Variants in HSF2BP observed in about 807,000 individuals in gnomAD.
HSF2BP encodes the protein heat shock factor 2-binding protein.
A neutral mutation model predicts 35.0 loss-of-function variants in HSF2BP; 35 were observed. The ratio of observed to expected loss-of-function variants is 1.00; its 90% confidence interval spans 0.76 to 1.32. The LOEUF is 1.32. Ranked by LOEUF, HSF2BP falls within the 40% of genes most tolerant of loss-of-function variation. The probability of loss-of-function intolerance (pLI) is 0.00; values close to 1 mark genes in which losing one functional copy is unlikely to be tolerated. For missense variants in HSF2BP, 326 were observed against 321.7 expected (o/e 1.01, Z -0.10); for synonymous variants, 114 against 117.4 (o/e 0.97, Z 0.18).
chr21:43,649,651 A>G (rs1331842380), intron 3 of HSF2BP, among the ~76,000 whole-genome samples: 1 of 152,226 alleles, frequency 6.6e-6, no homozygotes, highest in African/African-American at 2.4e-5. Context: ...CAACATACAA[A>G]AATAATTCCA....
chr21:43,648,342 A>G (rs1486822700), intron 3 of HSF2BP, among the ~76,000 whole-genome samples: 2 of 152,102 alleles, frequency 1.3e-5, no homozygotes, highest in Admixed American at 1.3e-4. Context: ...TCCCCACTCC[A>G]TCCTCCCTGC....
chr21:43,622,779 T>C (rs984358871), intron 6 of HSF2BP, among the ~76,000 whole-genome samples: 11 of 151,886 alleles, frequency 7.2e-5, no homozygotes, highest in African/African-American at 2.7e-4. Context: ...CAAAAAAAAA[T>C]CAACAAAGAA....
At chr21:43,606,445 G>A (rs930533673) in intron 7 of HSF2BP, among the ~76,000 whole-genome samples, 23 of 152,152 alleles carry the variant, frequency 1.5e-4, no homozygotes, top group Non-Finnish European at 3.2e-4. Context: ...AAAGAGGAGG[G>A]AGGAGGAGCA....
chr21:43,617,045 T>C lies in HSF2BP; in HGVS notation c.575-3098A>G, dbSNP rs558096305. Among the ~76,000 whole-genome samples, 93 of 152,218 alleles carry C rather than the reference T, an allele frequency of 6.1e-4. 3 individuals are homozygous for C. The highest frequency in any genetic ancestry group is 2.2e-3 in the African/African-American group (91 of 41,540). ...ACCCCACTAGCCCCCAGCTGTTCCA[T>C]CCCTCAACGATTTGAGTCATCCCAG... On this transcript the variant is annotated intron_variant, in intron 6 of 8. Transcript: ENST00000291560.
At position 43,597,920 on chromosome 21, in the gene HSF2BP, T is replaced by C. The variant is rs1465031498; in HGVS notation, c.693-5592A>G. On this transcript the variant is annotated intron_variant, in intron 7 of 8. Transcript: ENST00000291560. The surrounding 1 kb of genome is among the most constrained non-coding windows in gnomAD (Gnocchi z 4.3). ...CCATTATAAAGGGACTAACTAAATA[T>C]ACTATGGTACATGTAACACATGCAT... Among the ~76,000 whole-genome samples the C allele has an allele frequency of 6.6e-6, 1 of 152,226 alleles. No individual in the cohort carries two copies. The highest frequency in any genetic ancestry group is 1.5e-5 in the Non-Finnish European group (1 of 68,044).
At chr21:43,601,558 G>C (rs972992284) in intron 7 of HSF2BP, among the ~76,000 whole-genome samples, 3 of 152,198 alleles carry the variant, frequency 2.0e-5, no homozygotes, top group Middle Eastern at 3.4e-3. Context: ...TACACAGAAT[G>C]ACCAAACTAG....
chr21:43,613,080 T>C (rs1178283397), intron 7 of HSF2BP, among the ~76,000 whole-genome samples: 1 of 151,968 alleles, frequency 6.6e-6, no homozygotes, highest in African/African-American at 2.4e-5. Flanking sequence ...AGAAGCAGAG[T>C]TTTTGCCTTC....
At chr21:43,632,378 TC>T (rs141776331) in intron 5 of HSF2BP, among the ~76,000 whole-genome samples, 24,260 of 35,488 alleles carry the variant, frequency 0.68, 7,976 homozygotes, top group East Asian at 0.82. Flanking sequence ...ACACACACGC[TC>T]CCCCCCCACA....
intron 8 of HSF2BP, among the ~76,000 whole-genome samples, chr21:43,584,905 T>C (rs1476399295): frequency 6.6e-6 from 1 of 152,140 alleles, no homozygotes; most frequent in Non-Finnish European, 1.5e-5. Context: ...GTTTGAAAAA[T>C]ACCCTCAAAG....
At chr21:43,646,779 C>A (rs1316643413) in intron 3 of HSF2BP, among the ~76,000 whole-genome samples, 1 of 152,222 alleles carries the variant, frequency 6.6e-6, no homozygotes, top group Non-Finnish European at 1.5e-5. Context: ...AGGCCACACC[C>A]ATCTACGCCA....
At chr21:43,657,254 G>A in intron 2 of HSF2BP, among the ~76,000 whole-genome samples, 1 of 152,158 alleles carries the variant, frequency 6.6e-6, no homozygotes, top group Non-Finnish European at 1.5e-5. Flanking sequence ...CCTGTACGCA[G>A]CAGGCTGACA....
chr21:43,647,741 C>T (rs1041797331), intron 3 of HSF2BP, among the ~76,000 whole-genome samples: 8 of 151,864 alleles, frequency 5.3e-5, no homozygotes, highest in African/African-American at 1.9e-4. Flanking sequence ...GCAGCCTAGA[C>T]AACATGGCAA....
At position 43,658,067 on chromosome 21, in the gene HSF2BP, G is replaced by A; in HGVS notation, c.30C>T (p.Ala10=). The A allele has an allele frequency of 5.2e-6, 8 of 1,535,776 alleles. No homozygotes were observed. The highest frequency in any genetic ancestry group is 7.0e-6 in the Non-Finnish European group (8 of 1,146,240). MGEAGAAEE[A]CRHMGTKEEF... ...CCAGGGCTTCCTCACTAACCCGGCA[G>A]GCCTCCTCAGCGGCGCCCGCTTCGC... Residue 10 remains alanine (A), a synonymous_variant, in exon 2 of 9, where the codon GCC becomes GCT. Coordinates refer to ENST00000291560, the MANE Select transcript of HSF2BP (RefSeq NM_007031.2).
intron 7 of HSF2BP, among the ~76,000 whole-genome samples, chr21:43,611,020 C>T (rs1445100072): frequency 6.6e-6 from 1 of 152,060 alleles, no homozygotes; most frequent in African/African-American, 2.4e-5. Flanking sequence ...ATTATACCCC[C>T]AAACAAAACC....
At chr21:43,607,355 C>A (rs888494201) in intron 7 of HSF2BP, among the ~76,000 whole-genome samples, 7 of 150,140 alleles carry the variant, frequency 4.7e-5, no homozygotes, top group African/African-American at 1.7e-4. Flanking sequence ...ACAACAGCCA[C>A]ACACACACAC....
chr21:43,586,304 C>T (rs1215341576), intron 8 of HSF2BP, among the ~76,000 whole-genome samples: 2 of 152,048 alleles, frequency 1.3e-5, no homozygotes, highest in African/African-American at 4.8e-5. Flanking sequence ...ATCTAGCAAA[C>T]GTTAAAGGAA....
chr21:43,633,202 A>G (rs2147022849), intron 5 of HSF2BP, 70 bp downstream of exon 5: 3 of 1,490,952 alleles, frequency 2.0e-6, no homozygotes, highest in East Asian at 4.7e-5. Context: ...AAATGCCTTA[A>G]TAAGCTATAT....
intron 7 of HSF2BP, among the ~76,000 whole-genome samples, chr21:43,607,649 G>T (rs2146886540): frequency 6.6e-6 from 1 of 152,238 alleles, no homozygotes; most frequent in East Asian, 1.9e-4. Context: ...GCAACGCTAA[G>T]AAAAAAGAAC....
intron 8 of HSF2BP, among the ~76,000 whole-genome samples, chr21:43,581,722 C>T (rs1004060895): frequency 2.6e-5 from 4 of 152,330 alleles, no homozygotes; most frequent in African/African-American, 9.6e-5. Flanking sequence ...TGGCCCAGCT[C>T]AGAGCACACA....
Sources: allele counts gnomAD v4.1 joint callset (sites outside exome capture counted in the v4.1 genomes callset), GRCh38; gene constraint gnomAD v4.1.1; non-coding constraint Gnocchi (gnomAD v3.1); transcripts MANE v1.5; gene names NCBI Gene and HGNC (gene_info 2026-07-23, HGNC 2026-07-21).